Variants in FCHSD2 observed in about 807,000 individuals in gnomAD.
FCHSD2 encodes FCH and double SH3 domains 2, also known as F-BAR and double SH3 domains protein 2.
In FCHSD2, 38 loss-of-function variants were observed where a neutral mutation model predicts 108.1. That is an observed-to-expected ratio of 0.35 (90% confidence interval 0.27 to 0.46). The LOEUF is 0.46. Among genes scored for constraint, FCHSD2 ranks in the 20% least tolerant of loss-of-function variants. The pLI is 1.00. For synonymous variants in FCHSD2, 279 were observed against 314.7 expected (o/e 0.89, Z 1.20); for missense variants, 751 against 897.8 (o/e 0.84, Z 2.09).
At chr11:72,977,982 T>TA (rs2135391764) in intron 8 of FCHSD2, among the ~76,000 whole-genome samples, 1 of 152,236 alleles carries the variant, frequency 6.6e-6, no homozygotes, top group African/African-American at 2.4e-5. Context: ...TATGCAGTCA[T>TA]AAAAAAGGAT....
At chr11:73,099,044 T>C (rs1860155577) in intron 2 of FCHSD2, among the ~76,000 whole-genome samples, 1 of 151,998 alleles carries the variant, frequency 6.6e-6, no homozygotes, top group African/African-American at 2.4e-5. Flanking sequence ...TAAGACACCA[T>C]CTCTACAAAA....
chr11:72,855,280 A>G (rs1861397142), intron 13 of FCHSD2, among the ~76,000 whole-genome samples: 1 of 136,046 alleles, frequency 7.4e-6, no homozygotes, highest in South Asian at 2.3e-4. Flanking sequence ...TCCGTCTCAA[A>G]AACAAACAAA....
At position 73,052,628 on chromosome 11, in the gene FCHSD2, T is replaced by C. The variant is rs990514738; in HGVS notation, c.165+31067A>G. On this transcript the variant is annotated intron_variant, in intron 3 of 19. Transcript: ENST00000409418. ...TAAACAATGAAACAAATTCTTAGTGTTTCTGCAAGATAAAAAAGTTTGGTC... is the reference window on the plus strand; with the variant it reads ...TAAACAATGAAACAAATTCTTAGTGCTTCTGCAAGATAAAAAAGTTTGGTC... Among the ~76,000 whole-genome samples the C allele has an allele frequency of 5.9e-5, 9 of 152,182 alleles. No homozygotes were observed. The South Asian group carries it at 1.7e-3, about 28-fold the overall frequency.
intron 9 of FCHSD2, among the ~76,000 whole-genome samples, chr11:72,910,633 G>A (rs1025173075): frequency 6.6e-6 from 1 of 151,958 alleles, no homozygotes; most frequent in Admixed American, 6.6e-5. Context: ...CAGCATGCTC[G>A]TTAAGAGTCA....
At chr11:72,990,098 C>T (rs1244048813) in intron 5 of FCHSD2, among the ~76,000 whole-genome samples, 2 of 152,048 alleles carry the variant, frequency 1.3e-5, no homozygotes, top group African/African-American at 2.4e-5. Flanking sequence ...TCTGCATGGA[C>T]AGATAAAAGC....
chr11:73,056,683 C>A (rs565901673), intron 3 of FCHSD2, among the ~76,000 whole-genome samples: 98 of 152,126 alleles, frequency 6.4e-4, no homozygotes, highest in African/African-American at 2.2e-3. Context: ...GAGAAGAGAG[C>A]ATAACAGAAC....
chr11:72,844,068 C>T (rs1305496827), intron 14 of FCHSD2, among the ~76,000 whole-genome samples: 1 of 152,028 alleles, frequency 6.6e-6, no homozygotes, highest in Non-Finnish European at 1.5e-5. Flanking sequence ...GTTCCAACTC[C>T]AGCTTCTGTA....
At chr11:72,940,827 T>A in intron 8 of FCHSD2, 1 of 896,874 alleles carries the variant, frequency 1.1e-6, no homozygotes, top group Non-Finnish European at 1.9e-6. Context: ...GATGCCACTG[T>A]GGGGCTCTTA....
At chr11:72,937,778 T>TTA (rs990335335) in intron 8 of FCHSD2, among the ~76,000 whole-genome samples, 97 of 152,302 alleles carry the variant, frequency 6.4e-4, no homozygotes, top group African/African-American at 2.2e-3. Context: ...ATAATTTCAA[T>TTA]TATACAGGGT....
At chr11:73,014,305 T>C (rs1039535857) in intron 4 of FCHSD2, among the ~76,000 whole-genome samples, 1 of 151,842 alleles carries the variant, frequency 6.6e-6, no homozygotes, top group Admixed American at 6.6e-5. Flanking sequence ...CTAATGTATT[T>C]TTTTGTAGAG....
intron 2 of FCHSD2, among the ~76,000 whole-genome samples, chr11:73,114,370 T>TC (rs1860559051): frequency 1.3e-5 from 2 of 152,076 alleles, no homozygotes; most frequent in South Asian, 4.2e-4. Context: ...AGAAACGCTG[T>TC]CCAAGGGCCA....
intron 13 of FCHSD2, among the ~76,000 whole-genome samples, chr11:72,859,513 C>T (rs1861514770): frequency 6.6e-6 from 1 of 152,208 alleles, no homozygotes; most frequent in Non-Finnish European, 1.5e-5. Flanking sequence ...TAATCTCTTA[C>T]TGTGCCTCAT....
rs1861165323 is a variant in FCHSD2 at position 72,847,068 on chromosome 11, C to T, written c.1443+2687G>A. Among the ~76,000 whole-genome samples, 3 of 152,184 alleles carry T rather than the reference C, an allele frequency of 2.0e-5. No individual in the cohort carries two copies. In the South Asian group the frequency reaches 6.2e-4, roughly 32 times the overall value. On this transcript the variant is annotated intron_variant, in intron 14 of 19. Transcript: ENST00000409418. ...CTGGAGTGCAGTGGTGTAATCATGGCTCACTGCAGCCTCGATCTCCTGGGC... is the reference window on the plus strand; with the variant it reads ...CTGGAGTGCAGTGGTGTAATCATGGTTCACTGCAGCCTCGATCTCCTGGGC...
chr11:73,100,331 G>A (rs1256771325), intron 2 of FCHSD2, among the ~76,000 whole-genome samples: 1 of 132,316 alleles, frequency 7.6e-6, no homozygotes, highest in African/African-American at 3.0e-5. Flanking sequence ...CGCTTTACAT[G>A]CTTTTGTTGT....
chr11:72,963,544 A>G (rs1856852894), intron 8 of FCHSD2, among the ~76,000 whole-genome samples: 1 of 152,182 alleles, frequency 6.6e-6, no homozygotes, highest in Non-Finnish European at 1.5e-5. Context: ...ACAAGACTGA[A>G]AAAAATGTGG....
chr11:73,069,998 T>C (rs889207223), intron 3 of FCHSD2, among the ~76,000 whole-genome samples: 2 of 152,204 alleles, frequency 1.3e-5, no homozygotes, highest in Non-Finnish European at 2.9e-5. Flanking sequence ...TGCACATACA[T>C]GGGCTTGAAT....
rs1859786975 is a variant in FCHSD2, at chr11:73,085,195, GC to G, written c.120-1456del. ...TGCTTATTCAAGAGTGCTTCAAATGGCCAATACAATAAAACGAAGACTAAGA... is the reference window on the plus strand; with the variant it reads ...TGCTTATTCAAGAGTGCTTCAAATGGCAATACAATAAAACGAAGACTAAGA... On this transcript the variant is annotated intron_variant, in intron 2 of 19. Coordinates refer to ENST00000409418, the MANE Select transcript of FCHSD2 (RefSeq NM_014824.3). 2.0e-5 allele frequency among the ~76,000 whole-genome samples: 3 copies of G among 151,998 alleles called. No individual in the cohort carries two copies. In the South Asian group the frequency reaches 6.2e-4, roughly 32 times the overall value.
intron 9 of FCHSD2, among the ~76,000 whole-genome samples, chr11:72,912,201 TG>T (rs1855778687): frequency 5.9e-5 from 9 of 152,332 alleles, no homozygotes; most frequent in Admixed American, 5.9e-4. Flanking sequence ...GTGGTAAAAG[TG>T]GGCATCCTTG....
At chr11:72,996,784 T>TA (rs1331771684) in intron 5 of FCHSD2, among the ~76,000 whole-genome samples, 1 of 152,102 alleles carries the variant, frequency 6.6e-6, no homozygotes, top group Non-Finnish European at 1.5e-5. Context: ...TTGAACAAAA[T>TA]ACATTTTTAA....
Sources: gnomAD v4.1 joint callset for allele counts (sites outside exome capture counted in the v4.1 genomes callset) on GRCh38, gnomAD v4.1.1 for gene constraint, MANE v1.5 for transcripts, NCBI Gene and HGNC (gene_info 2026-07-23, HGNC 2026-07-21) for gene names.